KCND3: variants seen among roughly 807,000 people sequenced by gnomAD.
KCND3 encodes the protein A-type voltage-gated potassium channel KCND3.
In KCND3, 9 loss-of-function variants were observed where a neutral mutation model predicts 51.1. That is an observed-to-expected ratio of 0.18 (90% confidence interval 0.11 to 0.31). KCND3 has a LOEUF of 0.31. KCND3 is among the 10% of genes least tolerant of loss of function. The pLI is 1.00. For synonymous variants in KCND3, 349 were observed against 368.0 expected (o/e 0.95, Z 0.59); for missense variants, 526 against 903.8 (o/e 0.58, Z 5.36).
chr1:111,871,429 C>CCAG (rs1668823504), intron 2 of KCND3, among the ~76,000 whole-genome samples: 1 of 151,966 alleles, frequency 6.6e-6, no homozygotes, highest in South Asian at 2.1e-4. Flanking sequence ...ATTGGTAGGT[C>CCAG]CTAGAGAGAG....
intron 2 of KCND3, among the ~76,000 whole-genome samples, chr1:111,829,970 C>T (rs559885900): frequency 1.8e-4 from 28 of 152,304 alleles, no homozygotes; most frequent in African/African-American, 6.7e-4. Flanking sequence ...ATTTCTACTG[C>T]CATTCTGTTC....
chr1:111,951,959 A>C (rs1315393263), intron 2 of KCND3, among the ~76,000 whole-genome samples: 3 of 152,168 alleles, frequency 2.0e-5, no homozygotes, highest in Non-Finnish European at 4.4e-5. Context: ...GGAGAAGAGA[A>C]TGTTTCAGGG....
intron 2 of KCND3, among the ~76,000 whole-genome samples, chr1:111,888,585 G>C (rs534635539): frequency 1.3e-5 from 2 of 151,228 alleles, no homozygotes; most frequent in Admixed American, 1.3e-4. Context: ...GGGAGGCTGA[G>C]GAAGGAGAAT....
At chr1:111,818,271 C>T (rs1666197111) in intron 2 of KCND3, among the ~76,000 whole-genome samples, 1 of 152,210 alleles carries the variant, frequency 6.6e-6, no homozygotes, top group Non-Finnish European at 1.5e-5. Flanking sequence ...GAGGATCTGC[C>T]TGCGCCAGGG....
chr1:111,776,070 A>G lies in KCND3; in HGVS notation c.*7T>C. 1 of 1,614,166 alleles carries G rather than the reference A, an allele frequency of 6.2e-7. No individual in the cohort carries two copies. The highest frequency in any genetic ancestry group is 8.5e-7 in the Non-Finnish European group (1 of 1,180,008). Reference sequence around the variant, plus strand: ...CACTACCCACTCTGGCCCTCTGTCCAGTGGTTTTACAAGGCGGAGACCTTG... The same window carrying G: ...CACTACCCACTCTGGCCCTCTGTCCGGTGGTTTTACAAGGCGGAGACCTTG... On this transcript the variant is annotated 3_prime_UTR_variant, in exon 8 of 8. Transcript: ENST00000302127.
chr1:111,913,916 A>G (rs4839182), intron 2 of KCND3, among the ~76,000 whole-genome samples: 60,227 of 152,004 alleles, frequency 0.4, 12,449 homozygotes, highest in Non-Finnish European at 0.45. Context: ...ACAAGAAACA[A>G]AAACAAACCC....
chr1:111,968,312 A>G (rs1162189555), intron 2 of KCND3, among the ~76,000 whole-genome samples: 1 of 152,078 alleles, frequency 6.6e-6, no homozygotes, highest in African/African-American at 2.4e-5. Flanking sequence ...AATCTCAGGA[A>G]CTCAAAGCAA....
intron 2 of KCND3, among the ~76,000 whole-genome samples, chr1:111,813,867 G>A (rs1460372359): frequency 6.6e-6 from 1 of 152,208 alleles, no homozygotes. Context: ...TTTGCCCAAG[G>A]CAACAATCAT....
intron 2 of KCND3, among the ~76,000 whole-genome samples, chr1:111,802,281 C>T (rs959646620): frequency 1.3e-5 from 2 of 152,220 alleles, no homozygotes; most frequent in Non-Finnish European, 2.9e-5. Context: ...CCTCTGTCAA[C>T]ACCACAGCCT....
intron 2 of KCND3, among the ~76,000 whole-genome samples, chr1:111,898,606 C>T (rs1382813176): frequency 6.6e-6 from 1 of 152,194 alleles, no homozygotes; most frequent in Non-Finnish European, 1.5e-5. Flanking sequence ...AATATAGCAG[C>T]CCCATGGGCA....
chr1:111,942,271 G>C (rs1431730509), intron 2 of KCND3, among the ~76,000 whole-genome samples: 1 of 152,238 alleles, frequency 6.6e-6, no homozygotes, highest in East Asian at 1.9e-4. Flanking sequence ...AGGCACAGTA[G>C]TGAATAGCCA....
chr1:111,857,466 G>C lies in KCND3; in HGVS notation c.1107-70360C>G, dbSNP rs1668130174. The stretch of plus-strand genomic sequence containing the variant: ...TGGCTGAGCTCCGAAGGCTTCTTTT[G>C]CCAGCATATGCAGTACAGCCGGGAG... On this transcript the variant is annotated intron_variant, in intron 2 of 7. Transcript: ENST00000302127. Among the ~76,000 whole-genome samples the C allele has an allele frequency of 2.0e-5, 3 of 152,164 alleles. 1 individual carries two copies. The South Asian group carries it at 6.2e-4, about 32-fold the overall frequency.
At chr1:111,819,822 A>G (rs1352991682) in intron 2 of KCND3, among the ~76,000 whole-genome samples, 1 of 152,176 alleles carries the variant, frequency 6.6e-6, no homozygotes, top group Non-Finnish European at 1.5e-5. Flanking sequence ...CACGGAGGGT[A>G]TATGACTTGT....
rs755206508 is a variant in KCND3, at chr1:111,982,268, C to T, written c.459G>A (p.Ser153=). The T allele has an allele frequency of 1.3e-4, 206 of 1,613,988 alleles. No homozygotes were observed. The highest frequency in any genetic ancestry group is 3.8e-4 in the Admixed American group (23 of 60,006). Residue 153 remains serine (S), a synonymous_variant, in exon 2 of 8, where the codon TCG becomes TCA. Coordinates refer to ENST00000302127, the MANE Select transcript of KCND3 (RefSeq NM_001378969.1). This position sits in a 1 kb window ranked among gnomAD's most constrained non-coding sequence, Gnocchi z 8.5. ...AGGGCATGGACTCCTGGTTGTTCTC[C>T]GAGTCGTTGTCGTCCATGAGCCGCT... is the stretch of plus-strand genomic sequence containing the variant. ...NAERLMDDND[S]ENNQESMPSL...
chr1:111,895,125 AGGAGGGAGAAGTGG>A (rs1670037969), intron 2 of KCND3, among the ~76,000 whole-genome samples: 1 of 118,424 alleles, frequency 8.4e-6, no homozygotes, highest in East Asian at 2.7e-4. Context: ...GAGGAAGGGG[AGGAGGGAGAAGTGG>A]GGAGGGAGAA....
At position 111,973,746 on chromosome 1, in the gene KCND3, C is replaced by T. The variant is rs949191462; in HGVS notation, c.1106+7875G>A. On this transcript the variant is annotated intron_variant, in intron 2 of 7. Coordinates refer to ENST00000302127, the MANE Select transcript of KCND3 (RefSeq NM_001378969.1). ...GAGCCAGCCTCCCAGAAAATGGTTTCTTTATATAGTTTCATCCATTTATTG... is the reference window on the plus strand; with the variant it reads ...GAGCCAGCCTCCCAGAAAATGGTTTTTTTATATAGTTTCATCCATTTATTG... Among the ~76,000 whole-genome samples, 6 of 152,314 alleles carry T rather than the reference C, an allele frequency of 3.9e-5. No individual in the cohort carries two copies. In the South Asian group the frequency reaches 1.2e-3, roughly 32 times the overall value.
chr1:111,920,365 C>A (rs1671422284), intron 2 of KCND3, among the ~76,000 whole-genome samples: 1 of 152,252 alleles, frequency 6.6e-6, no homozygotes, highest in African/African-American at 2.4e-5. Flanking sequence ...ACTCCCCACA[C>A]TGAAGAAACA....
At chr1:111,789,868 T>C (rs1664757231) in intron 2 of KCND3, among the ~76,000 whole-genome samples, 1 of 152,206 alleles carries the variant, frequency 6.6e-6, no homozygotes, top group African/African-American at 2.4e-5. Context: ...GTCCCAGTTC[T>C]TTATACCCTT....
rs192078928 is a variant in KCND3, at chr1:111,981,845, G to C, written c.882C>G (p.Val294=). The C allele has an allele frequency of 6.2e-7, 1 of 1,614,056 alleles. No individual in the cohort carries two copies. The highest frequency in any genetic ancestry group is 8.5e-7 in the Non-Finnish European group (1 of 1,180,002). Residue 294 remains valine (V), a synonymous_variant, in exon 2 of 8, where the codon GTC becomes GTG. Transcript: ENST00000302127. The surrounding 1 kb of genome is among the most constrained non-coding windows in gnomAD (Gnocchi z 6.2). ...GAFVTLRVFR[V]FRIFKFSRHS... ...GGCGGGAAAACTTGAAGATCCTGAA[G>C]ACGCGGAAGACCCGGAGCGTGACGA...
Sources: allele counts gnomAD v4.1 joint callset (sites outside exome capture counted in the v4.1 genomes callset), GRCh38; gene constraint gnomAD v4.1.1; non-coding constraint Gnocchi (gnomAD v3.1); transcripts MANE v1.5; gene names NCBI Gene and HGNC (gene_info 2026-07-23, HGNC 2026-07-21).